Variants in HS3ST4 observed in about 807,000 individuals in gnomAD.
The protein encoded by HS3ST4 is heparan sulfate-glucosamine 3-sulfotransferase 4.
Under a neutral mutation model 29.2 loss-of-function variants are expected in HS3ST4, and 17 were observed. The ratio of observed to expected loss-of-function variants is 0.58; its 90% CI spans 0.40 to 0.87. The LOEUF (loss-of-function observed/expected upper bound fraction) is 0.87. HS3ST4 is among the 40% of genes least tolerant of loss of function. The probability of loss-of-function intolerance (pLI) is 0.00; values close to 1 mark genes in which losing one functional copy is unlikely to be tolerated. For missense variants in HS3ST4, 627 were observed against 634.5 expected, an observed-to-expected ratio of 0.99 and a Z score of 0.13; for synonymous variants, 314 against 285.7, an observed-to-expected ratio of 1.10 and a Z score of -1.00.
intron 1 of HS3ST4, among the ~76,000 whole-genome samples, chr16:26,105,253 C>A (rs1300876516): frequency 6.6e-6 from 1 of 152,064 alleles, no homozygotes; most frequent in African/African-American, 2.4e-5. Context: ...AAACAGAAAA[C>A]CAAATACTGC....
rs1567311841 is a variant in HS3ST4 at position 26,098,521 on chromosome 16, G to A, written c.735-37091G>A. On this transcript the variant is annotated intron_variant, in intron 1 of 1. Coordinates refer to ENST00000331351, the MANE Select transcript of HS3ST4 (RefSeq NM_006040.3). Reference sequence around the variant, plus strand: ...ACACTGCATGTTCTCACTCATGGGTGGGAACTGAACAATGAGATCACTTGG... The same window carrying A: ...ACACTGCATGTTCTCACTCATGGGTAGGAACTGAACAATGAGATCACTTGG... Among the ~76,000 whole-genome samples the A allele has an allele frequency of 2.0e-5, 3 of 152,106 alleles. No individual in the cohort carries two copies. In the East Asian group the frequency reaches 5.8e-4, roughly 29 times the overall value.
At chr16:26,122,573 C>T (rs998271141) in intron 1 of HS3ST4, among the ~76,000 whole-genome samples, 83 of 152,162 alleles carry the variant, frequency 5.5e-4, no homozygotes, top group Admixed American at 2.0e-4. Context: ...CAAATGCTTG[C>T]GCACCTCAGG....
rs58308308 is a variant in HS3ST4, at chr16:25,845,025, C to T, written c.734+151874C>T. 4.0e-3 allele frequency among the ~76,000 whole-genome samples: 612 copies of T among 151,822 alleles called. 3 individuals are homozygous for T. Among genetic ancestry groups the T allele is most frequent in the African/African-American group, 0.014 (576 of 41,394 alleles). ...GAACACATGGACACAGGGAGGGGAA[C>T]ATCATACACTGAGGCCTGTTGGGGG... On this transcript the variant is annotated intron_variant, in intron 1 of 1. Coordinates refer to ENST00000331351, the MANE Select transcript of HS3ST4 (RefSeq NM_006040.3).
chr16:25,844,003 G>GT (rs1390502385), intron 1 of HS3ST4, among the ~76,000 whole-genome samples: 1 of 152,144 alleles, frequency 6.6e-6, no homozygotes, highest in Non-Finnish European at 1.5e-5. Context: ...ACTTTATGTT[G>GT]TAATTCTTGA....
At chr16:25,833,616 A>G (rs1284693040) in intron 1 of HS3ST4, among the ~76,000 whole-genome samples, 2 of 152,188 alleles carry the variant, frequency 1.3e-5, no homozygotes, top group Non-Finnish European at 2.9e-5. Context: ...TGCTTGCAAC[A>G]TATACTTCTG....
intron 1 of HS3ST4, among the ~76,000 whole-genome samples, chr16:26,073,996 T>A (rs1409673530): frequency 1.3e-5 from 2 of 152,194 alleles, no homozygotes; most frequent in African/African-American, 4.8e-5. Context: ...GAGAAGCCCG[T>A]GTTTGTACCA....
At chr16:25,866,259 G>A (rs1381274127) in intron 1 of HS3ST4, among the ~76,000 whole-genome samples, 1 of 152,198 alleles carries the variant, frequency 6.6e-6, no homozygotes, top group African/African-American at 2.4e-5. Context: ...TCATGTGTTA[G>A]TGTGAGTTCA....
chr16:25,880,167 TA>T (rs1257028504), intron 1 of HS3ST4, among the ~76,000 whole-genome samples: 1 of 152,190 alleles, frequency 6.6e-6, no homozygotes, highest in Non-Finnish European at 1.5e-5. Context: ...GTTTCTCTCT[TA>T]GTATCAAGCA....
At chr16:26,119,857 C>T (rs1899248571) in intron 1 of HS3ST4, among the ~76,000 whole-genome samples, 1 of 152,074 alleles carries the variant, frequency 6.6e-6, no homozygotes, top group Admixed American at 6.6e-5. Flanking sequence ...CAGGTGGACT[C>T]TACGCAAGGC....
At chr16:25,855,033 G>A (rs896596310) in intron 1 of HS3ST4, among the ~76,000 whole-genome samples, 2 of 152,144 alleles carry the variant, frequency 1.3e-5, no homozygotes, top group African/African-American at 4.8e-5. Context: ...ATACATGTAA[G>A]GTACACATTT....
chr16:25,768,308 T>C (rs1322322888), intron 1 of HS3ST4, among the ~76,000 whole-genome samples: 1 of 152,204 alleles, frequency 6.6e-6, no homozygotes, highest in African/African-American at 2.4e-5. Flanking sequence ...TGACATAACT[T>C]TGCTGAATAG....
At chr16:25,851,311 G>C (rs1313692801) in intron 1 of HS3ST4, among the ~76,000 whole-genome samples, 1 of 152,160 alleles carries the variant, frequency 6.6e-6, no homozygotes, top group African/African-American at 2.4e-5. Flanking sequence ...AGGACGGCAT[G>C]TTGCAAGTGG....
At chr16:25,848,583 A>T (rs115171232) in intron 1 of HS3ST4, among the ~76,000 whole-genome samples, 286 of 151,622 alleles carry the variant, frequency 1.9e-3, no homozygotes, top group African/African-American at 6.8e-3. Flanking sequence ...TCTAGTATAA[A>T]CCTCTCCCAC....
intron 1 of HS3ST4, among the ~76,000 whole-genome samples, chr16:25,877,111 T>C (rs1967840674): frequency 6.6e-6 from 1 of 152,048 alleles, no homozygotes; most frequent in Admixed American, 6.6e-5. Flanking sequence ...TATTAAATTT[T>C]AAAATCCCTG....
At chr16:25,761,786 A>G (rs1275064430) in intron 1 of HS3ST4, among the ~76,000 whole-genome samples, 1 of 152,198 alleles carries the variant, frequency 6.6e-6, no homozygotes, top group Non-Finnish European at 1.5e-5. Context: ...TGATTATAAC[A>G]TTAACAGAGG....
At chr16:26,002,811 GAAAA>G (rs560311190) in intron 1 of HS3ST4, among the ~76,000 whole-genome samples, 3 of 150,524 alleles carry the variant, frequency 2.0e-5, no homozygotes, top group Non-Finnish European at 3.0e-5. Context: ...AGGAAAGAAA[GAAAA>G]AAGAAAGAAA....
chr16:25,798,091 TAA>T (rs1342664902), intron 1 of HS3ST4, among the ~76,000 whole-genome samples: 1 of 152,132 alleles, frequency 6.6e-6, no homozygotes, highest in Admixed American at 6.5e-5. Context: ...ACCAGTGAGT[TAA>T]GTCATCATAT....
chr16:25,749,872 A>G (rs893715104), intron 1 of HS3ST4, among the ~76,000 whole-genome samples: 2 of 152,252 alleles, frequency 1.3e-5, no homozygotes, highest in East Asian at 1.9e-4. Context: ...TGCTAAAACT[A>G]ATAAGGTAGA....
intron 1 of HS3ST4, among the ~76,000 whole-genome samples, chr16:25,712,812 C>A (rs975261001): frequency 2.8e-4 from 43 of 152,180 alleles, no homozygotes; most frequent in African/African-American, 1.0e-3. Context: ...TGTAACAGAA[C>A]ACAAGAGACT....
Sources: allele counts gnomAD v4.1 joint callset (sites outside exome capture counted in the v4.1 genomes callset), GRCh38; gene constraint gnomAD v4.1.1; transcripts MANE v1.5; gene names NCBI Gene and HGNC (gene_info 2026-07-23, HGNC 2026-07-21).